Variants in ITGB1 observed in about 807,000 individuals in gnomAD.
ITGB1 encodes the protein integrin subunit beta 1.
ITGB1 carries 24 observed loss-of-function variants against 86.5 expected under a neutral mutation model. The observed-to-expected ratio is 0.28, with a 90% CI of 0.20 to 0.39. The LOEUF is 0.39. Among genes scored for constraint, ITGB1 ranks in the 10% least tolerant of loss-of-function variants. The probability of loss-of-function intolerance (pLI) is 1.00; values close to 1 mark genes in which losing one functional copy is unlikely to be tolerated. For missense variants in ITGB1, 556 were observed against 946.9 expected (o/e 0.59, Z 5.42); for synonymous variants, 323 against 316.8 (o/e 1.02, Z -0.21).
intron 1 of ITGB1, among the ~76,000 whole-genome samples, chr10:32,955,322 C>A (rs886629029): frequency 1.3e-5 from 2 of 152,184 alleles, no homozygotes; most frequent in African/African-American, 4.8e-5. Context: ...CCTAACAGAT[C>A]CTAACTCTCT....
At chr10:32,957,070 C>T (rs1043732872) in intron 1 of ITGB1, among the ~76,000 whole-genome samples, 4 of 152,200 alleles carry the variant, frequency 2.6e-5, no homozygotes, top group African/African-American at 9.6e-5. Context: ...CAGTACCAAT[C>T]TCATTAGAGC....
chr10:32,910,602 A>C (rs2094910244), intron 13 of ITGB1, 147 bp from the exon 14 acceptor site: 1 of 556,940 alleles, frequency 1.8e-6, no homozygotes, highest in Non-Finnish European at 3.2e-6. Flanking sequence ...GGAACATTAC[A>C]TTTGTGGATA....
intron 11 of ITGB1, among the ~76,000 whole-genome samples, chr10:32,918,425 T>G (rs2094938704): frequency 6.6e-6 from 1 of 152,008 alleles, no homozygotes; most frequent in African/African-American, 2.4e-5. Context: ...AATAAAACTA[T>G]AAAAAATCTC....
chr10:32,945,027 A>G, intron 1 of ITGB1: 1 of 628,348 alleles, frequency 1.6e-6, no homozygotes, highest in East Asian at 3.2e-5. Flanking sequence ...GTAACTAGTA[A>G]GATGAGCAAA....
intron 1 of ITGB1, among the ~76,000 whole-genome samples, chr10:32,954,799 C>T (rs533272117): frequency 2.0e-5 from 3 of 152,142 alleles, no homozygotes; most frequent in Admixed American, 6.5e-5. Flanking sequence ...TGCACACACA[C>T]GTTTCATGAG....
intron 3 of ITGB1, among the ~76,000 whole-genome samples, chr10:32,931,208 G>C (rs2094982431): frequency 6.6e-6 from 1 of 152,028 alleles, no homozygotes; most frequent in Non-Finnish European, 1.5e-5. Context: ...CAAGATCCTA[G>C]TGAATTACAC....
intron 5 of ITGB1, 59 bp downstream of exon 5, chr10:32,928,035 A>G: frequency 3.1e-6 from 3 of 954,536 alleles, no homozygotes; most frequent in Non-Finnish European, 4.7e-6. Flanking sequence ...ATATAAAACA[A>G]CATTTGAGAA....
chr10:32,915,641 A>G (rs749992724), intron 11 of ITGB1, among the ~76,000 whole-genome samples: 11 of 152,232 alleles, frequency 7.2e-5, no homozygotes, highest in Non-Finnish European at 1.2e-4. Context: ...GAATAGACCA[A>G]TAACAGGCTC....
intron 1 of ITGB1, among the ~76,000 whole-genome samples, chr10:32,936,810 T>G (rs890065606): frequency 1.3e-5 from 2 of 152,216 alleles, no homozygotes; most frequent in African/African-American, 4.8e-5. Flanking sequence ...TATATAAGTA[T>G]CTGTCCCTCC....
chr10:32,914,707 A>G (rs566075032), intron 11 of ITGB1, among the ~76,000 whole-genome samples: 1 of 152,242 alleles, frequency 6.6e-6, no homozygotes, highest in Non-Finnish European at 1.5e-5. Flanking sequence ...CTCCCACACA[A>G]TAATAATGGG....
chr10:32,913,611 A>AG (rs1361615597), intron 11 of ITGB1, among the ~76,000 whole-genome samples: 3 of 152,188 alleles, frequency 2.0e-5, no homozygotes, highest in Admixed American at 1.3e-4. Context: ...AGAAGTTTAG[A>AG]GAAAAAAAAG....
At chr10:32,948,027 T>C (rs2095035433) in intron 1 of ITGB1, among the ~76,000 whole-genome samples, 1 of 151,758 alleles carries the variant, frequency 6.6e-6, no homozygotes, top group South Asian at 2.1e-4. Context: ...TTTTCAATTG[T>C]AATTATAACC....
At chr10:32,906,489 C>T (rs2094896780) in intron 15 of ITGB1, 1 of 225,002 alleles carries the variant, frequency 4.4e-6, no homozygotes. Context: ...ACTCGGGAGG[C>T]TGAGGCAGGA....
chr10:32,953,809 T>C (rs2095047184), intron 1 of ITGB1: 1 of 152,198 alleles, frequency 6.6e-6, no homozygotes, highest in African/African-American at 2.4e-5. Flanking sequence ...TGATCAGGTA[T>C]CTGAAAATAA....
intron 1 of ITGB1, among the ~76,000 whole-genome samples, chr10:32,950,722 AAAGAGCACTAACCCCTTC>A (rs2095040998): frequency 6.6e-6 from 1 of 152,232 alleles, no homozygotes; most frequent in Non-Finnish European, 1.5e-5. Context: ...ATGGCTTTTT[AAAGAGCACTAACCCCTTC>A]TCACACAATG....
At chr10:32,929,238 C>T (rs940849614) in intron 4 of ITGB1, among the ~76,000 whole-genome samples, 3 of 150,606 alleles carry the variant, frequency 2.0e-5, no homozygotes, top group Non-Finnish European at 3.0e-5. Context: ...CCTGGGTCTG[C>T]GGGCTGAAGG....
intron 5 of ITGB1, among the ~76,000 whole-genome samples, chr10:32,927,532 C>T (rs1223299448): frequency 6.6e-6 from 1 of 152,182 alleles, no homozygotes; most frequent in Non-Finnish European, 1.5e-5. Context: ...TGGCTCACGC[C>T]TGTAGTCCCA....
intron 1 of ITGB1, among the ~76,000 whole-genome samples, chr10:32,949,964 G>A (rs944943975): frequency 1.3e-5 from 2 of 151,954 alleles, no homozygotes; most frequent in Non-Finnish European, 2.9e-5. Flanking sequence ...AACATGTTAT[G>A]TTCATTTCAG....
At chr10:32,913,303 G>A (rs796070658) in intron 11 of ITGB1, among the ~76,000 whole-genome samples, 20 of 152,322 alleles carry the variant, frequency 1.3e-4, no homozygotes, top group African/African-American at 4.6e-4. Context: ...GAACAAAGCC[G>A]GACGGAGAAT....
Sources: allele counts gnomAD v4.1 joint callset (sites outside exome capture counted in the v4.1 genomes callset), GRCh38; gene constraint gnomAD v4.1.1; transcripts MANE v1.5; gene names NCBI Gene and HGNC (gene_info 2026-07-23, HGNC 2026-07-21).